WWOX: variants seen among roughly 807,000 people sequenced by gnomAD.
WWOX encodes the protein WW domain containing oxidoreductase, also known as WW domain-containing oxidoreductase.
Under a neutral mutation model 46.2 loss-of-function variants are expected in WWOX, and 69 were observed. The ratio of observed to expected loss-of-function variants is 1.49; its 90% CI spans 1.23 to 1.82. WWOX has a LOEUF of 1.82. Among genes scored for constraint, WWOX ranks in the 40% most tolerant of loss-of-function variants. WWOX has a pLI of 0.00. For synonymous variants in WWOX, 359 were observed against 202.6 expected, an observed-to-expected ratio of 1.77 and a Z score of -6.56; for missense variants, 919 against 542.6, an observed-to-expected ratio of 1.69 and a Z score of -6.89.
At chr16:78,237,131 T>G (rs1227261108) in intron 5 of WWOX, among the ~76,000 whole-genome samples, 2 of 150,952 alleles carry the variant, frequency 1.3e-5, no homozygotes, top group African/African-American at 4.9e-5. Flanking sequence ...AGCTCCATGG[T>G]AAATGTTCAG....
At chr16:78,940,288 T>G (rs944437750) in intron 8 of WWOX, among the ~76,000 whole-genome samples, 5 of 152,250 alleles carry the variant, frequency 3.3e-5, no homozygotes, top group Admixed American at 6.5e-5. Context: ...TGGTATTTGT[T>G]TACCCTGATT....
chr16:79,051,564 G>T (rs2048167435), intron 8 of WWOX, among the ~76,000 whole-genome samples: 1 of 141,618 alleles, frequency 7.1e-6, no homozygotes, highest in Non-Finnish European at 1.5e-5. Context: ...ATAGTTTGCT[G>T]TGTGCTGGGT....
intron 8 of WWOX, among the ~76,000 whole-genome samples, chr16:78,882,036 T>G (rs2044352924): frequency 6.6e-6 from 1 of 151,974 alleles, no homozygotes; most frequent in South Asian, 2.1e-4. Flanking sequence ...TGAGGCAGGA[T>G]AATTGCTTGA....
intron 8 of WWOX, among the ~76,000 whole-genome samples, chr16:79,115,440 C>G (rs772574109): frequency 1.6e-5 from 1 of 63,278 alleles, no homozygotes; most frequent in African/African-American, 7.9e-5. Context: ...AGCCAGGACC[C>G]AAAACCCACA....
At chr16:78,784,203 C>A (rs911740558) in intron 8 of WWOX, among the ~76,000 whole-genome samples, 3 of 152,096 alleles carry the variant, frequency 2.0e-5, no homozygotes, top group East Asian at 3.9e-4. Context: ...TCACTCAACC[C>A]TTGTCATAGG....
chr16:78,587,001 A>G (rs1423910028), intron 8 of WWOX, among the ~76,000 whole-genome samples: 2 of 152,072 alleles, frequency 1.3e-5, no homozygotes, highest in Admixed American at 6.6e-5. Context: ...TCATGAGGCA[A>G]TCTATTTGAT....
intron 8 of WWOX, among the ~76,000 whole-genome samples, chr16:78,617,658 G>T (rs1042210658): frequency 2.6e-5 from 4 of 152,142 alleles, no homozygotes; most frequent in African/African-American, 4.8e-5. Context: ...TGCTCCTCAA[G>T]CTTGCATGGC....
At chr16:78,160,365 T>C (rs1567605551) in intron 4 of WWOX, among the ~76,000 whole-genome samples, 1 of 152,142 alleles carries the variant, frequency 6.6e-6, no homozygotes, top group Non-Finnish European at 1.5e-5. Flanking sequence ...GCTCAAGCGA[T>C]CCACCCGCCT....
intron 5 of WWOX, chr16:78,167,190 A>G (rs2035002151): frequency 6.6e-6 from 1 of 152,136 alleles, no homozygotes; most frequent in Non-Finnish European, 1.5e-5. Flanking sequence ...CATTTATCCT[A>G]TTTTAATTAT....
At chr16:78,468,390 T>C (rs547294775) in intron 8 of WWOX, among the ~76,000 whole-genome samples, 3 of 152,092 alleles carry the variant, frequency 2.0e-5, no homozygotes, top group South Asian at 2.1e-4. Flanking sequence ...CACGTATTGT[T>C]GCAACGGCAA....
rs140060332 is a variant in WWOX, at chr16:79,211,799, G to T, written c.*3G>T. 2.1e-3 allele frequency: 3,405 copies of T among 1,614,018 alleles called. 68 individuals are homozygous for T. In the Admixed American group the frequency reaches 0.04, roughly 19 times the overall value. ...GGCTTGGCAGCCAGTCCGGCTAAGT[G>T]GAGCTCAGAGCGGATGGGCACACAC... On this transcript the variant is annotated 3_prime_UTR_variant, in exon 9 of 9. Transcript: ENST00000566780.
At chr16:78,763,293 T>G (rs922637252) in intron 8 of WWOX, among the ~76,000 whole-genome samples, 1 of 152,266 alleles carries the variant, frequency 6.6e-6, no homozygotes, top group African/African-American at 2.4e-5. Context: ...TCATTCTCAT[T>G]AATTCAAAAT....
At chr16:78,126,297 C>G (rs2033358517) in intron 4 of WWOX, among the ~76,000 whole-genome samples, 1 of 152,140 alleles carries the variant, frequency 6.6e-6, no homozygotes, top group Non-Finnish European at 1.5e-5. Context: ...GATTTGCTCC[C>G]CAACCTTAAT....
chr16:78,163,460 T>C (rs2034864552), intron 4 of WWOX, among the ~76,000 whole-genome samples: 1 of 152,186 alleles, frequency 6.6e-6, no homozygotes, highest in Non-Finnish European at 1.5e-5. Context: ...TTTTTCCTTG[T>C]TATAAAATTG....
At chr16:78,782,157 C>T (rs2050343711) in intron 8 of WWOX, among the ~76,000 whole-genome samples, 1 of 152,188 alleles carries the variant, frequency 6.6e-6, no homozygotes, top group Admixed American at 6.5e-5. Context: ...CTCCAGCCTT[C>T]TCGCCTTGCC....
intron 8 of WWOX, among the ~76,000 whole-genome samples, chr16:78,950,521 C>T (rs995934856): frequency 4.8e-5 from 5 of 104,874 alleles, no homozygotes; most frequent in African/African-American, 1.4e-4. Context: ...TAAAGGAACA[C>T]ACACACACAC....
At chr16:78,640,250 T>G (rs1180844397) in intron 8 of WWOX, among the ~76,000 whole-genome samples, 2 of 141,556 alleles carry the variant, frequency 1.4e-5, no homozygotes, top group Non-Finnish European at 3.0e-5. Context: ...TTTTTTTTTT[T>G]TTTTGGCTTT....
chr16:79,046,741 C>T (rs777245295), intron 8 of WWOX, among the ~76,000 whole-genome samples: 14 of 152,198 alleles, frequency 9.2e-5, no homozygotes, highest in Non-Finnish European at 1.9e-4. Flanking sequence ...ACCTCTTTCT[C>T]TCAAAAAGAA....
intron 6 of WWOX, among the ~76,000 whole-genome samples, chr16:78,395,276 T>C (rs374683977): frequency 1.3e-4 from 20 of 152,294 alleles, no homozygotes; most frequent in South Asian, 1.2e-3. Flanking sequence ...CCCAGCACTT[T>C]GGGAGGCCAA....
Sources: gnomAD v4.1 joint callset for allele counts (sites outside exome capture counted in the v4.1 genomes callset) on GRCh38, gnomAD v4.1.1 for gene constraint, MANE v1.5 for transcripts, NCBI Gene and HGNC (gene_info 2026-07-23, HGNC 2026-07-21) for gene names.